Variants in CTNNA3 observed in about 807,000 individuals in gnomAD.
The protein encoded by CTNNA3 is catenin alpha-3.
CTNNA3 carries 76 observed loss-of-function variants against 95.7 expected under a neutral mutation model. The observed-to-expected ratio is 0.79, with a 90% confidence interval of 0.66 to 0.96. The LOEUF (loss-of-function observed/expected upper bound fraction) is 0.96, where lower values mean the gene tolerates loss of function less well. Among genes scored for constraint, CTNNA3 ranks in the 40% least tolerant of loss-of-function variants. The pLI is 0.00. For synonymous variants in CTNNA3, 431 were observed against 374.4 expected (o/e 1.15, Z -1.74); for missense variants, 1,191 against 1,089.8 (o/e 1.09, Z -1.31).
chr10:66,290,330 C>G (rs1205153712), intron 12 of CTNNA3, among the ~76,000 whole-genome samples: 1 of 151,858 alleles, frequency 6.6e-6, no homozygotes, highest in Non-Finnish European at 1.5e-5. Flanking sequence ...AGTTAAGGTA[C>G]AGCAATTAAG....
chr10:67,155,228 T>C (rs560786470), intron 7 of CTNNA3, among the ~76,000 whole-genome samples: 1 of 152,302 alleles, frequency 6.6e-6, no homozygotes, highest in East Asian at 1.9e-4. Context: ...ATTTATCAAA[T>C]GAATGAATTA....
At chr10:67,203,433 C>G (rs889083678) in intron 6 of CTNNA3, among the ~76,000 whole-genome samples, 3 of 152,246 alleles carry the variant, frequency 2.0e-5, no homozygotes, top group African/African-American at 7.2e-5. Context: ...ATAAATTATC[C>G]AGTCTCAGGT....
intron 9 of CTNNA3, among the ~76,000 whole-genome samples, chr10:66,637,529 A>G (rs1845377256): frequency 6.6e-6 from 1 of 152,216 alleles, no homozygotes; most frequent in South Asian, 2.1e-4. Flanking sequence ...CTTGCACTGC[A>G]CCTGGAGCCT....
chr10:67,137,791 T>C (rs1353179072), intron 7 of CTNNA3, among the ~76,000 whole-genome samples: 1 of 152,146 alleles, frequency 6.6e-6, no homozygotes, highest in Admixed American at 6.6e-5. Flanking sequence ...TATTATTCCA[T>C]CTTCCACCCT....
chr10:67,200,417 A>T (rs1197070780), intron 6 of CTNNA3, among the ~76,000 whole-genome samples: 2 of 152,204 alleles, frequency 1.3e-5, no homozygotes, highest in Non-Finnish European at 2.9e-5. Context: ...CTCCCTAAAG[A>T]AGGCATAAAA....
chr10:67,318,003 A>T (rs1280475671), intron 5 of CTNNA3, among the ~76,000 whole-genome samples: 1 of 99,202 alleles, frequency 1.0e-5, no homozygotes, highest in Non-Finnish European at 2.5e-5. Context: ...CTTAACAGGC[A>T]ATGAAAACCA....
chr10:67,224,221 G>A (rs1451900883), intron 5 of CTNNA3, among the ~76,000 whole-genome samples: 3 of 152,166 alleles, frequency 2.0e-5, no homozygotes, highest in Admixed American at 6.5e-5. Flanking sequence ...AATTGAAAGT[G>A]TATACCCTTT....
chr10:67,131,262 G>A (rs1307038562), intron 7 of CTNNA3, among the ~76,000 whole-genome samples: 1 of 151,970 alleles, frequency 6.6e-6, no homozygotes, highest in Non-Finnish European at 1.5e-5. Flanking sequence ...TTCTGAGGAT[G>A]TGTTTATATG....
intron 6 of CTNNA3, among the ~76,000 whole-genome samples, chr10:67,212,331 C>G (rs975344658): frequency 8.6e-5 from 13 of 151,954 alleles, no homozygotes; most frequent in African/African-American, 2.9e-4. Context: ...TCTCTTCCTT[C>G]TCTTTATATC....
At chr10:66,044,540 T>A (rs909275110) in intron 15 of CTNNA3, among the ~76,000 whole-genome samples, 7 of 152,126 alleles carry the variant, frequency 4.6e-5, no homozygotes, top group Non-Finnish European at 1.0e-4. Flanking sequence ...TCTTCTAATA[T>A]TATCCCGCCA....
At chr10:67,746,107 A>G (rs1193924907) in intron 1 of CTNNA3, among the ~76,000 whole-genome samples, 2 of 152,172 alleles carry the variant, frequency 1.3e-5, no homozygotes, top group Non-Finnish European at 2.9e-5. Context: ...AAAGGCCCCA[A>G]ATAGCCAAAG....
chr10:67,654,853 T>A (rs759746478), intron 1 of CTNNA3, among the ~76,000 whole-genome samples: 2 of 152,182 alleles, frequency 1.3e-5, no homozygotes, highest in African/African-American at 2.4e-5. Flanking sequence ...CATGCAAGAG[T>A]GTGCATTCAC....
At chr10:67,737,875 T>C (rs910240412) in intron 1 of CTNNA3, among the ~76,000 whole-genome samples, 3 of 152,162 alleles carry the variant, frequency 2.0e-5, no homozygotes, top group Non-Finnish European at 4.4e-5. Flanking sequence ...GAACTAGAAA[T>C]ACCATTTGAC....
rs763772079 is a variant in CTNNA3 at position 66,928,427 on chromosome 10, A to G, written c.1048-152903T>C. 1.2e-5 allele frequency: 20 copies of G among 1,610,650 alleles called. No homozygotes were observed. The Admixed American group carries it at 3.4e-4, about 27-fold the overall frequency. ...AATGGGACGGGACCCTGCACCTATA[A>G]CAAATCGGGCTCCAGGGAGTGTGAG... On this transcript the variant is annotated intron_variant, in intron 7 of 17. Transcript: ENST00000433211.
chr10:66,333,329 A>G (rs1386402964), intron 12 of CTNNA3, among the ~76,000 whole-genome samples: 1 of 151,678 alleles, frequency 6.6e-6, no homozygotes, highest in African/African-American at 2.4e-5. Flanking sequence ...TTAGGGTGTC[A>G]ATTTTAGATC....
chr10:67,513,581 A>G (rs1839710601), intron 5 of CTNNA3, among the ~76,000 whole-genome samples: 1 of 152,192 alleles, frequency 6.6e-6, no homozygotes. Flanking sequence ...CCAGCAAAGG[A>G]AATGCTCCTC....
intron 7 of CTNNA3, among the ~76,000 whole-genome samples, chr10:67,049,782 A>G (rs2133179554): frequency 6.6e-6 from 1 of 152,306 alleles, no homozygotes; most frequent in Middle Eastern, 3.4e-3. Flanking sequence ...TAGTAGCACA[A>G]ATAGAACAAA....
chr10:67,567,292 A>C (rs928563882), intron 3 of CTNNA3, among the ~76,000 whole-genome samples: 3 of 151,974 alleles, frequency 2.0e-5, no homozygotes, highest in Non-Finnish European at 4.4e-5. Flanking sequence ...TTTTGCAGCA[A>C]ATTGGATAGA....
At chr10:66,379,078 A>C in intron 12 of CTNNA3, 74 bp downstream of exon 12, 1 of 1,244,982 alleles carries the variant, frequency 8.0e-7, no homozygotes, top group African/African-American at 1.5e-5. Context: ...AATCTTTCCC[A>C]CATGTATGAA....
Sources: allele counts gnomAD v4.1 joint callset (sites outside exome capture counted in the v4.1 genomes callset), GRCh38; gene constraint gnomAD v4.1.1; transcripts MANE v1.5; gene names NCBI Gene and HGNC (gene_info 2026-07-23, HGNC 2026-07-21).